Variants in HIP1 observed in about 807,000 individuals in gnomAD.
HIP1 encodes huntingtin interacting protein 1, also known as huntingtin-interacting protein 1.
A neutral mutation model predicts 147.6 loss-of-function variants in HIP1; 65 were observed. The observed-to-expected ratio is 0.44, with a 90% confidence interval of 0.36 to 0.54. The LOEUF is 0.54. Among genes scored for constraint, HIP1 ranks in the 20% least tolerant of loss-of-function variants. The pLI, the probability that HIP1 is intolerant of heterozygous loss-of-function variation, is 0.00. For synonymous variants in HIP1, 479 were observed against 504.0 expected (o/e 0.95, Z 0.67); for missense variants, 1,061 against 1,299.6 (o/e 0.82, Z 2.82).
In HIP1 at chr7:75,538,123, GA is replaced by G; in HGVS notation, c.*48del. 6.8e-7 allele frequency: 1 copy of G among 1,476,338 alleles called. No individual in the cohort carries two copies. 91.5% of individuals were successfully genotyped at this position (1,476,338 alleles called of 1,614,324 possible). On this transcript the variant is annotated 3_prime_UTR_variant, in exon 31 of 31. Coordinates refer to ENST00000336926, the MANE Select transcript of HIP1 (RefSeq NM_005338.7). ...CTGTGGCTGGGGAAATAACACACAC[GA>G]GATAGGTAACAAGGATTTACACTGA... is the stretch of plus-strand genomic sequence containing the variant.
chr7:75,617,522 C>G (rs13223613), intron 1 of HIP1, among the ~76,000 whole-genome samples: 1 of 152,020 alleles, frequency 6.6e-6, no homozygotes, highest in South Asian at 2.1e-4. Flanking sequence ...CAGCCTCAGC[C>G]TGGTTCCTTG....
Position 75,607,233 on chromosome 7 carries a change from G to GT in HIP1, c.121-7987dup, listed in dbSNP as rs375132943. Among the ~76,000 whole-genome samples, 982 of 134,974 alleles carry GT rather than the reference G, an allele frequency of 7.3e-3. 4 individuals carry two copies. Among genetic ancestry groups the GT allele is most frequent in the Non-Finnish European group, 0.011 (663 of 62,870 alleles). The allele number at this position is 134,974 out of a possible 152,430, so 88.5% of individuals were successfully genotyped here. ...AAAAAAAAGAGTTGTTTTTTGTTTT[G>GT]TTTTTTTTTTTTTTGAGACAGAGTC... On this transcript the variant is annotated intron_variant, in intron 1 of 30. Transcript: ENST00000336926.
At chr7:75,710,155 C>T (rs533622982) in intron 1 of HIP1, among the ~76,000 whole-genome samples, 1 of 152,274 alleles carries the variant, frequency 6.6e-6, no homozygotes, top group South Asian at 2.1e-4. Flanking sequence ...ACCTTGGCCT[C>T]CCAAAGTGCT....
chr7:75,628,636 AC>A (rs1223606520), intron 1 of HIP1, among the ~76,000 whole-genome samples: 1 of 151,990 alleles, frequency 6.6e-6, no homozygotes, highest in Non-Finnish European at 1.5e-5. Context: ...GTGCTGCCGC[AC>A]CCGGCTAATT....
intron 1 of HIP1, among the ~76,000 whole-genome samples, chr7:75,653,751 T>C (rs141458427): frequency 3.3e-5 from 5 of 152,230 alleles, no homozygotes; most frequent in African/African-American, 4.8e-5. Context: ...TCCCAGCTAC[T>C]TGGGAGGCTG....
chr7:75,559,980 G>A, intron 13 of HIP1, 65 bp from the exon 14 acceptor site: 1 of 1,440,314 alleles, frequency 6.9e-7, no homozygotes, highest in Non-Finnish European at 9.2e-7. Context: ...ATGGGCCGGA[G>A]AAGCGGGTCC....
chr7:75,536,798 C>T lies in HIP1; in HGVS notation c.*1374G>A, dbSNP rs1375714759. On this transcript the variant is annotated 3_prime_UTR_variant, in exon 31 of 31. Transcript: ENST00000336926. ...TCTGATTCTTGAAGGCTGATGTAGC[C>T]GGGCAGAAAGATGAGCCTTGCTAGA... 1 of 229,844 alleles carries T rather than the reference C, an allele frequency of 4.4e-6. No individual in the cohort carries two copies. The highest frequency in any genetic ancestry group is 2.2e-5 in the African/African-American group (1 of 45,206). The allele number at this position is 229,844 out of a possible 1,614,324, so 14.2% of individuals were successfully genotyped here.
intron 1 of HIP1, among the ~76,000 whole-genome samples, chr7:75,692,146 C>A (rs1800477440): frequency 6.6e-6 from 1 of 152,144 alleles, no homozygotes; most frequent in African/African-American, 2.4e-5. Context: ...CTCCCCCCGT[C>A]CCAATTCCAC....
rs587664357 is a variant in HIP1, at chr7:75,567,166, T to A, written c.803+1033A>T. Among the ~76,000 whole-genome samples, 126 of 150,882 alleles carry A rather than the reference T, an allele frequency of 8.4e-4. 2 individuals are homozygous for A. The highest frequency in any genetic ancestry group is 1.0e-3 in the South Asian group (5 of 4,794). On this transcript the variant is annotated intron_variant, in intron 9 of 30. Coordinates refer to ENST00000336926, the MANE Select transcript of HIP1 (RefSeq NM_005338.7). ...AACAGAATGGAGAGAGAAAGGTTTT[T>A]TTTTGTTTTTTTTTTTTGAGAAAAC...
At chr7:75,639,845 A>T (rs2705788) in intron 1 of HIP1, among the ~76,000 whole-genome samples, 73,837 of 151,652 alleles carry the variant, frequency 0.49, 18,699 homozygotes, top group African/African-American at 0.63. Context: ...CCCGAATGAG[A>T]CTGGGGTCTC....
chr7:75,628,341 TG>T (rs1392161366), intron 1 of HIP1, among the ~76,000 whole-genome samples: 1 of 152,196 alleles, frequency 6.6e-6, no homozygotes, highest in Non-Finnish European at 1.5e-5. Flanking sequence ...CCCCACTTCC[TG>T]TACCATTTGG....
intron 2 of HIP1, among the ~76,000 whole-genome samples, chr7:75,593,013 G>C (rs782220696): frequency 1.1e-4 from 17 of 152,294 alleles, no homozygotes; most frequent in Middle Eastern, 3.4e-3. Flanking sequence ...CTGTCACCCA[G>C]ACTGGAGTGC....
chr7:75,538,207 G>A lies in HIP1; in HGVS notation c.3079C>T (p.Pro1027Ser). 6.2e-7 allele frequency: 1 copy of A among 1,613,044 alleles called. No homozygotes were observed. The highest frequency in any genetic ancestry group is 2.2e-5 in the East Asian group (1 of 44,884). ...GWEEGTEASP[P>S]TLQEVVTEKE Reference sequence around the variant, plus strand: ...TCGGTTACCACTTCTTGCAGTGTAGGTGGAGATGCCTCTGTTCCTAAAAGA... The same window carrying A: ...TCGGTTACCACTTCTTGCAGTGTAGATGGAGATGCCTCTGTTCCTAAAAGA... The change falls in exon 31 of 31, where the codon CCT becomes TCT. Residue 1027 changes from proline to serine, a missense_variant. Coordinates refer to ENST00000336926, the MANE Select transcript of HIP1 (RefSeq NM_005338.7).
intron 1 of HIP1, among the ~76,000 whole-genome samples, chr7:75,646,436 G>T (rs984191016): frequency 2.6e-5 from 4 of 152,336 alleles, no homozygotes; most frequent in Non-Finnish European, 5.9e-5. Context: ...CTGACCACAG[G>T]GTCTACAAGT....
chr7:75,575,866 C>T (rs147262076), intron 7 of HIP1, among the ~76,000 whole-genome samples: 30 of 152,150 alleles, frequency 2.0e-4, no homozygotes, highest in African/African-American at 5.8e-4. Context: ...GCCTGTATTC[C>T]GCTTCCCGAC....
chr7:75,675,588 T>G (rs1584942012), intron 1 of HIP1, among the ~76,000 whole-genome samples: 3 of 152,158 alleles, frequency 2.0e-5, no homozygotes, highest in Admixed American at 1.3e-4. Context: ...ATCTGTTAAT[T>G]CATCATCTCC....
At chr7:75,648,243 GC>G (rs1798866243) in intron 1 of HIP1, among the ~76,000 whole-genome samples, 1 of 152,120 alleles carries the variant, frequency 6.6e-6, no homozygotes, top group Non-Finnish European at 1.5e-5. Flanking sequence ...AGTTGGAGTA[GC>G]TGAAGCTGGT....
At chr7:75,594,329 T>A (rs191273341) in intron 2 of HIP1, among the ~76,000 whole-genome samples, 44 of 151,622 alleles carry the variant, frequency 2.9e-4, no homozygotes, top group African/African-American at 9.7e-4. Flanking sequence ...AACACCCGAC[T>A]TCTTCCATAA....
intron 1 of HIP1, among the ~76,000 whole-genome samples, chr7:75,615,310 T>C (rs1437024475): frequency 6.6e-6 from 1 of 151,808 alleles, no homozygotes; most frequent in Non-Finnish European, 1.5e-5. Flanking sequence ...ATCCCAGCAC[T>C]TTGAGAGGCC....
Sources: gnomAD v4.1 joint callset for allele counts (sites outside exome capture counted in the v4.1 genomes callset) on GRCh38, gnomAD v4.1.1 for gene constraint, MANE v1.5 for transcripts, NCBI Gene and HGNC (gene_info 2026-07-23, HGNC 2026-07-21) for gene names.